Variants in WASHC5 observed in about 807,000 individuals in gnomAD.
WASHC5 encodes the protein WASH complex subunit strumpellin.
WASHC5 carries 101 observed loss-of-function variants against 150.4 expected under a neutral mutation model. That is an observed-to-expected ratio of 0.67 (90% CI 0.57 to 0.79). The LOEUF (loss-of-function observed/expected upper bound fraction) is 0.79, where lower values mean the gene tolerates loss of function less well. WASHC5 is among the 30% of genes least tolerant of loss of function. The pLI, the probability that WASHC5 is intolerant of heterozygous loss-of-function variation, is 0.00. For missense variants in WASHC5, 1,195 were observed against 1,396.3 expected, an observed-to-expected ratio of 0.86 and a Z score of 2.30; for synonymous variants, 467 against 491.2, an observed-to-expected ratio of 0.95 and a Z score of 0.65.
At chr8:125,045,377 C>A (rs1329596474) in intron 20 of WASHC5, among the ~76,000 whole-genome samples, 1 of 152,192 alleles carries the variant, frequency 6.6e-6, no homozygotes, top group Admixed American at 6.5e-5. Flanking sequence ...CAAACCATTT[C>A]ATCCTCATTT....
At position 125,078,972 on chromosome 8, in the gene WASHC5, C is replaced by A. The variant is rs1248494733; in HGVS notation, c.519-42G>T. Reference sequence around the variant, plus strand: ...ATGGGAAACAAAGACCCAAAACACACATATTAGAAACTGAAAAGTCCAATA... The same window carrying A: ...ATGGGAAACAAAGACCCAAAACACAAATATTAGAAACTGAAAAGTCCAATA... On this transcript the variant is annotated intron_variant, in intron 5 of 28. Transcript: ENST00000318410. 3 of 1,534,132 alleles carry A rather than the reference C, an allele frequency of 2.0e-6. No individual in the cohort carries two copies. The African/African-American group carries it at 4.1e-5, about 21-fold the overall frequency.
rs1375972113 is a variant in WASHC5 at position 125,091,760 on chromosome 8, C to G, written c.-270G>C. 6.6e-6 allele frequency: 1 copy of G among 152,432 alleles called. No individual in the cohort carries two copies. Among genetic ancestry groups the G allele is most frequent in the African/African-American group, 2.4e-5 (1 of 41,482 alleles). The allele number at this position is 152,432 out of a possible 1,614,324, so 9.4% of individuals were successfully genotyped here. On this transcript the variant is annotated 5_prime_UTR_variant, in exon 1 of 29. Coordinates refer to ENST00000318410, the MANE Select transcript of WASHC5 (RefSeq NM_014846.4). ...GAGCGGGTCAGACCCCGACTTCCGCCCCTGACTCCCCAGGCGGTCACATGA... is the reference window on the plus strand; with the variant it reads ...GAGCGGGTCAGACCCCGACTTCCGCGCCTGACTCCCCAGGCGGTCACATGA...
chr8:125,083,409 G>T lies in WASHC5; in HGVS notation c.187-151C>A, dbSNP rs1294245377. The T allele has an allele frequency of 1.4e-5, 10 of 731,064 alleles. No homozygotes were observed. In the Admixed American group the frequency reaches 2.3e-4, roughly 17 times the overall value. The allele number at this position is 731,064 out of a possible 1,614,324, so 45.3% of individuals were successfully genotyped here. On this transcript the variant is annotated intron_variant, in intron 2 of 28. Transcript: ENST00000318410. ...AAGTAGTGAAGATAATAGAAGCCTA[G>T]ATATAAAATCCCTTTGAGAGAAATG...
chr8:125,083,247 T>C lies in WASHC5; in HGVS notation c.198A>G (p.Leu66=). The C allele has an allele frequency of 4.3e-6, 7 of 1,613,158 alleles. No individual in the cohort carries two copies. Among genetic ancestry groups the C allele is most frequent in the Non-Finnish European group, 5.1e-6 (6 of 1,179,438 alleles). ...FDFSYFKGPE[L]WESKLDAKPE... is the part of the protein sequence containing the mutation. ...GCTTAGCATCCAGTTTGCTTTCCCA[T>C]AATTCTGGACCCTGAGAAAAAAAAA... The change falls in exon 3 of 29, where the codon TTA becomes TTG. Residue 66 remains leucine (L), a synonymous_variant. Coordinates refer to ENST00000318410, the MANE Select transcript of WASHC5 (RefSeq NM_014846.4).
At chr8:125,051,613 C>T (rs569934507) in intron 17 of WASHC5, among the ~76,000 whole-genome samples, 2 of 152,342 alleles carry the variant, frequency 1.3e-5, no homozygotes, top group South Asian at 4.1e-4. Context: ...GAGGGCCGGG[C>T]GTGGTGACTC....
intron 8 of WASHC5, 21 bp downstream of exon 8, chr8:125,074,977 T>C: frequency 7.2e-7 from 1 of 1,381,474 alleles, no homozygotes; most frequent in Non-Finnish European, 1.0e-6. Flanking sequence ...TATCAGAGAA[T>C]GTCCCCAGAT....
chr8:125,077,608 A>G (rs1297757312), intron 6 of WASHC5, among the ~76,000 whole-genome samples: 1 of 152,190 alleles, frequency 6.6e-6, no homozygotes, highest in Non-Finnish European at 1.5e-5. Flanking sequence ...GTGGAATGAG[A>G]GGCAATCAGG....
intron 10 of WASHC5, among the ~76,000 whole-genome samples, chr8:125,064,552 C>T (rs1034474378): frequency 5.9e-5 from 9 of 151,630 alleles, no homozygotes; most frequent in African/African-American, 2.4e-5. Context: ...TCCTTCATAA[C>T]ATTTAAATTC....
chr8:125,038,777 C>T (rs1815790041), intron 25 of WASHC5, 53 bp downstream of exon 25: 2 of 1,606,938 alleles, frequency 1.2e-6, no homozygotes, highest in South Asian at 1.1e-5. Context: ...GTTACCTGGG[C>T]CAAATACCAT....
chr8:125,051,026 G>A (rs1404862490), intron 17 of WASHC5, among the ~76,000 whole-genome samples: 1 of 152,092 alleles, frequency 6.6e-6, no homozygotes, highest in East Asian at 1.9e-4. Context: ...CTTTTTGGAG[G>A]GGCAGGATGA....
chr8:125,039,994 C>T, intron 23 of WASHC5, 96 bp from the exon 24 acceptor site: 1 of 766,740 alleles, frequency 1.3e-6, no homozygotes, highest in Non-Finnish European at 2.3e-6. Context: ...TTCACTGGGC[C>T]TTCACATCAC....
intron 18 of WASHC5, 94 bp from the exon 19 acceptor site, chr8:125,049,279 C>A: frequency 7.3e-7 from 1 of 1,366,134 alleles, no homozygotes. Context: ...GTATAGCAGG[C>A]CAGATGCGGT....
chr8:125,059,222 C>A lies in WASHC5; in HGVS notation c.1764G>T (p.Lys588Asn). ...MVTKLRATFL[K>N]LASALDLPLL... Reference sequence around the variant, plus strand: ...GAGAATCTCACTGTTTTTTGCTTACCTTTAGGAAGGTAGCTCTGAGTTTAG... The same window carrying A: ...GAGAATCTCACTGTTTTTTGCTTACATTTAGGAAGGTAGCTCTGAGTTTAG... Residue 588 changes from lysine to asparagine, a missense_variant and splice_region_variant, in exon 14 of 29, where the codon AAG becomes AAT. This residue lies in a region of WASHC5 where 997 missense variants were observed against 1,168.1 expected (regional missense o/e 0.85). Coordinates refer to ENST00000318410, the MANE Select transcript of WASHC5 (RefSeq NM_014846.4). The A allele has an allele frequency of 1.9e-6, 3 of 1,611,210 alleles. No individual in the cohort carries two copies. Among genetic ancestry groups the A allele is most frequent in the Non-Finnish European group, 2.5e-6 (3 of 1,177,534 alleles).
At chr8:125,043,751 G>T in intron 23 of WASHC5, 74 bp downstream of exon 23, 4 of 1,030,670 alleles carry the variant, frequency 3.9e-6, no homozygotes, top group South Asian at 1.4e-5. Context: ...CTTTTTTTGG[G>T]CAACAAAGTT....
intron 1 of WASHC5, among the ~76,000 whole-genome samples, chr8:125,089,675 A>G (rs1305733650): frequency 6.6e-6 from 1 of 152,246 alleles, no homozygotes; most frequent in East Asian, 1.9e-4. Context: ...AACATACAGA[A>G]GGACAGACAG....
chr8:125,052,609 T>TACACACACACACACAC (rs34684600), intron 17 of WASHC5, among the ~76,000 whole-genome samples: 4,307 of 141,728 alleles, frequency 0.03, 101 homozygotes, highest in Non-Finnish European at 0.045. Flanking sequence ...TCACACACAC[T>TACACACACACACACAC]ACACACACAC....
At chr8:125,056,856 T>TG in intron 15 of WASHC5, 39 bp from the exon 16 acceptor site, 3 of 1,613,754 alleles carry the variant, frequency 1.9e-6, no homozygotes, top group Non-Finnish European at 2.5e-6. Flanking sequence ...AATGAACATC[T>TG]GTTTTACTTT....
At chr8:125,032,881 A>G (rs1815582680) in intron 26 of WASHC5, among the ~76,000 whole-genome samples, 1 of 151,674 alleles carries the variant, frequency 6.6e-6, no homozygotes, top group Non-Finnish European at 1.5e-5. Context: ...GAAGAAGGAT[A>G]TTTATGAAGT....
intron 11 of WASHC5, among the ~76,000 whole-genome samples, chr8:125,062,233 A>T (rs1816616700): frequency 6.6e-6 from 1 of 152,218 alleles, no homozygotes; most frequent in African/African-American, 2.4e-5. Flanking sequence ...GCAAATGATT[A>T]CATTTTTAAG....
Sources: gnomAD v4.1 joint callset for allele counts (sites outside exome capture counted in the v4.1 genomes callset) on GRCh38, gnomAD v4.1.1 for gene constraint, gnomAD v4.1.1 regional missense constraint, MANE v1.5 for transcripts, NCBI Gene and HGNC (gene_info 2026-07-23, HGNC 2026-07-21) for gene names.